The following KIF16B variants were observed in gnomAD, a reference collection of about 807,000 sequenced individuals.
The protein encoded by KIF16B is kinesin family member 16B.
In KIF16B, 98 loss-of-function variants were observed where a neutral mutation model predicts 156.3. That is an observed-to-expected ratio of 0.63 (90% CI 0.53 to 0.74). The LOEUF is 0.74. Among genes scored for constraint, KIF16B ranks in the 30% least tolerant of loss-of-function variants. KIF16B has a pLI of 0.00. For missense variants in KIF16B, 1,421 were observed against 1,606.5 expected (o/e 0.88, Z 1.97); for synonymous variants, 564 against 583.7 (o/e 0.97, Z 0.49).
intron 15 of KIF16B, among the ~76,000 whole-genome samples, chr20:16,418,642 T>G (rs2066150267): frequency 6.6e-6 from 1 of 152,156 alleles, no homozygotes; most frequent in East Asian, 1.9e-4. Context: ...AATGTTTCCA[T>G]GTCCTCTGCT....
intron 17 of KIF16B, among the ~76,000 whole-genome samples, chr20:16,403,313 G>A (rs1343613381): frequency 8.5e-5 from 13 of 152,162 alleles, no homozygotes; most frequent in Admixed American, 8.5e-4. Context: ...TTAAACATTA[G>A]TGATTCCATC....
At chr20:16,328,638 C>T (rs1410034284) in intron 24 of KIF16B, among the ~76,000 whole-genome samples, 1 of 152,160 alleles carries the variant, frequency 6.6e-6, no homozygotes, top group Admixed American at 6.5e-5. Flanking sequence ...AGGTTCCTGA[C>T]TTAGTCCGTT....
intron 24 of KIF16B, among the ~76,000 whole-genome samples, chr20:16,320,848 C>A (rs555978547): frequency 6.6e-6 from 1 of 152,064 alleles, no homozygotes; most frequent in Non-Finnish European, 1.5e-5. Context: ...AAAATGGAAA[C>A]ACATCATTTG....
chr20:16,353,461 C>T (rs1017826077), intron 23 of KIF16B, among the ~76,000 whole-genome samples: 4 of 152,206 alleles, frequency 2.6e-5, no homozygotes, highest in African/African-American at 9.7e-5. Context: ...TCACTCATCC[C>T]ATTTTTATTT....
chr20:16,399,165 C>T (rs2065587222), intron 17 of KIF16B, among the ~76,000 whole-genome samples: 1 of 152,180 alleles, frequency 6.6e-6, no homozygotes, highest in Non-Finnish European at 1.5e-5. Context: ...CTCCGCACTT[C>T]TCAGCAGGGC....
At chr20:16,494,966 C>T (rs1452757994) in intron 11 of KIF16B, among the ~76,000 whole-genome samples, 1 of 152,212 alleles carries the variant, frequency 6.6e-6, no homozygotes. Flanking sequence ...ACACGCTCAA[C>T]CGCTGAACAC....
chr20:16,363,910 G>A (rs2064603113), intron 22 of KIF16B, among the ~76,000 whole-genome samples: 1 of 152,182 alleles, frequency 6.6e-6, no homozygotes, highest in African/African-American at 2.4e-5. Flanking sequence ...TCTAAGGAAT[G>A]AGGCAGAGTT....
At chr20:16,476,223 T>G (rs1600495707) in intron 12 of KIF16B, among the ~76,000 whole-genome samples, 1 of 151,842 alleles carries the variant, frequency 6.6e-6, no homozygotes, top group African/African-American at 2.4e-5. Context: ...TGTATTTAAA[T>G]GCATATTATA....
chr20:16,417,372 G>A (rs2066116667), intron 15 of KIF16B, among the ~76,000 whole-genome samples: 1 of 152,162 alleles, frequency 6.6e-6, no homozygotes, highest in African/African-American at 2.4e-5. Flanking sequence ...TGAAGCAGCA[G>A]TGGAACGGCA....
chr20:16,453,961 CG>C (rs2067149475), intron 12 of KIF16B, among the ~76,000 whole-genome samples: 2 of 152,174 alleles, frequency 1.3e-5, no homozygotes, highest in South Asian at 4.1e-4. Context: ...GTACAGATGA[CG>C]TGCACACACA....
chr20:16,482,299 A>C (rs943370239), intron 12 of KIF16B, among the ~76,000 whole-genome samples: 2 of 152,054 alleles, frequency 1.3e-5, no homozygotes, highest in Non-Finnish European at 2.9e-5. Flanking sequence ...TCATCCTTAA[A>C]TAATGCAAAG....
At chr20:16,564,835 T>C (rs1036348218) in intron 1 of KIF16B, among the ~76,000 whole-genome samples, 1 of 152,012 alleles carries the variant, frequency 6.6e-6, no homozygotes, top group Admixed American at 6.5e-5. Context: ...CCCACAACCA[T>C]GGCACTGCCT....
At chr20:16,451,694 C>T (rs1036065557) in intron 12 of KIF16B, among the ~76,000 whole-genome samples, 1 of 152,156 alleles carries the variant, frequency 6.6e-6, no homozygotes, top group Non-Finnish European at 1.5e-5. Flanking sequence ...ATTCATGTCA[C>T]CCTATCCAGT....
chr20:16,347,998 A>C (rs938362706), intron 23 of KIF16B, among the ~76,000 whole-genome samples: 1 of 151,872 alleles, frequency 6.6e-6, no homozygotes, highest in Non-Finnish European at 1.5e-5. Context: ...GATTGCTTGA[A>C]CTCCCAAACT....
chr20:16,432,091 C>T (rs779491448), intron 12 of KIF16B, among the ~76,000 whole-genome samples: 2 of 151,902 alleles, frequency 1.3e-5, no homozygotes, highest in African/African-American at 2.4e-5. Flanking sequence ...GACAACCCTC[C>T]GGAAGAGAAT....
chr20:16,327,058 T>C (rs1007639103), intron 24 of KIF16B, among the ~76,000 whole-genome samples: 1 of 122,432 alleles, frequency 8.2e-6, no homozygotes, highest in African/African-American at 3.3e-5. Flanking sequence ...TGTATGTATA[T>C]GTATACATGT....
In KIF16B at chr20:16,557,156, T is replaced by C. The variant is rs543131488; in HGVS notation, c.47+16073A>G. Among the ~76,000 whole-genome samples the C allele has an allele frequency of 2.2e-4, 26 of 119,824 alleles. 1 individual carries two copies. The highest frequency in any genetic ancestry group is 8.6e-4 in the African/African-American group (26 of 30,358). 78.6% of individuals were successfully genotyped at this position (119,824 alleles called of 152,430 possible). The stretch of plus-strand genomic sequence containing the variant: ...ACTATATATATTAATACTATATATA[T>C]ATACACACACACACACATACTAATA... On this transcript the variant is annotated intron_variant, in intron 1 of 25. Coordinates refer to ENST00000354981, the MANE Select transcript of KIF16B (RefSeq NM_024704.5).
intron 1 of KIF16B, among the ~76,000 whole-genome samples, chr20:16,569,128 A>G (rs1397986410): frequency 6.6e-6 from 1 of 152,186 alleles, no homozygotes; most frequent in African/African-American, 2.4e-5. Flanking sequence ...CCTGGCTCTC[A>G]GAAGACAGCC....
chr20:16,337,606 A>G (rs1021855938), intron 23 of KIF16B, among the ~76,000 whole-genome samples: 8 of 152,242 alleles, frequency 5.3e-5, no homozygotes, highest in African/African-American at 1.7e-4. Context: ...TGCAGTAGTA[A>G]GCATTTAAAG....
Sources: gnomAD v4.1 joint callset for allele counts (sites outside exome capture counted in the v4.1 genomes callset) on GRCh38, gnomAD v4.1.1 for gene constraint, MANE v1.5 for transcripts, NCBI Gene and HGNC (gene_info 2026-07-23, HGNC 2026-07-21) for gene names.